The following MAP3K20 variants were observed in gnomAD, a reference collection of about 807,000 sequenced individuals.
MAP3K20 encodes HCCS-4.
A neutral mutation model predicts 85.7 loss-of-function variants in MAP3K20; 40 were observed. The observed-to-expected ratio is 0.47, with a 90% CI of 0.36 to 0.61. The LOEUF is 0.61. Ranked by LOEUF, MAP3K20 falls within the 20% of genes least tolerant of loss-of-function variation. MAP3K20 has a pLI of 0.00. For missense variants in MAP3K20, 817 were observed against 961.7 expected (o/e 0.85, Z 1.99); for synonymous variants, 325 against 327.7 (o/e 0.99, Z 0.09).
intron 2 of MAP3K20, among the ~76,000 whole-genome samples, chr2:173,161,832 G>GT (rs1400205954): frequency 6.6e-6 from 1 of 152,118 alleles, no homozygotes; most frequent in Non-Finnish European, 1.5e-5. Context: ...TTCCAGAGCC[G>GT]TATCGGGAGA....
intron 2 of MAP3K20, among the ~76,000 whole-genome samples, chr2:173,115,932 G>T (rs893876554): frequency 6.6e-6 from 1 of 151,788 alleles, no homozygotes; most frequent in Non-Finnish European, 1.5e-5. Context: ...GCTGGGAGGT[G>T]TCAAGAAACT....
At chr2:173,204,832 G>A (rs552613528) in intron 9 of MAP3K20, among the ~76,000 whole-genome samples, 74 of 152,124 alleles carry the variant, frequency 4.9e-4, no homozygotes, top group Middle Eastern at 3.4e-3. Flanking sequence ...GGCTGGGCGC[G>A]GTGGCTCACG....
Position 173,266,666 on chromosome 2 carries a change from C to T in MAP3K20, c.2319C>T (p.Tyr773=), listed in dbSNP as rs1224675905. 2.5e-6 allele frequency: 4 copies of T among 1,610,496 alleles called. No homozygotes were observed. Among genetic ancestry groups the T allele is most frequent in the South Asian group, 2.2e-5 (2 of 90,722 alleles). The change falls in exon 20 of 20, where the codon TAC becomes TAT. Residue 773 remains tyrosine (Y), a synonymous_variant. Transcript: ENST00000375213. ...AAGGGGGCTGGACAAAAGTGGAATA[C>T]CGGAAAAAGCCCCACAGGCCATCTC... ...VSEGGWTKVE[Y]RKKPHRPSPA...
At chr2:173,090,553 T>G in intron 1 of MAP3K20, 1 of 916,918 alleles carries the variant, frequency 1.1e-6, no homozygotes, top group Non-Finnish European at 1.3e-6. Flanking sequence ...TGGCTTAGGT[T>G]GTGTATATTT....
At chr2:173,182,388 A>C (rs949600029) in intron 3 of MAP3K20, among the ~76,000 whole-genome samples, 1 of 152,196 alleles carries the variant, frequency 6.6e-6, no homozygotes, top group African/African-American at 2.4e-5. Flanking sequence ...CTTCATTTTT[A>C]AAGGATTTTT....
At chr2:173,168,715 T>C (rs2106248995) in intron 2 of MAP3K20, among the ~76,000 whole-genome samples, 1 of 152,296 alleles carries the variant, frequency 6.6e-6, no homozygotes, top group East Asian at 1.9e-4. Context: ...CTGAATATTT[T>C]CTATATTTAA....
At chr2:173,239,592 G>GT (rs1684734554) in intron 16 of MAP3K20, 96 bp downstream of exon 16, 2 of 1,076,766 alleles carry the variant, frequency 1.9e-6, no homozygotes, top group Non-Finnish European at 1.3e-6. Context: ...CTACCAGCTG[G>GT]TAACTGGATT....
At chr2:173,141,979 TCTTCAAAA>T (rs1181628290) in intron 2 of MAP3K20, among the ~76,000 whole-genome samples, 4 of 152,180 alleles carry the variant, frequency 2.6e-5, no homozygotes, top group Admixed American at 6.5e-5. Context: ...CTTAAAATAG[TCTTCAAAA>T]CTGAAGATGA....
At chr2:173,154,643 T>G (rs906081876) in intron 2 of MAP3K20, among the ~76,000 whole-genome samples, 2 of 152,232 alleles carry the variant, frequency 1.3e-5, no homozygotes, top group Admixed American at 6.5e-5. Context: ...AAGCCCTTGA[T>G]AGCAGGAGTT....
intron 2 of MAP3K20, among the ~76,000 whole-genome samples, chr2:173,092,694 GTTC>G (rs1406781982): frequency 1.3e-5 from 2 of 152,276 alleles, no homozygotes; most frequent in African/African-American, 4.8e-5. Context: ...AAAGGAACAT[GTTC>G]TTATATGATT....
chr2:173,164,058 T>G (rs1689743292), intron 2 of MAP3K20, among the ~76,000 whole-genome samples: 1 of 151,914 alleles, frequency 6.6e-6, no homozygotes, highest in South Asian at 2.1e-4. Context: ...CTCCCAGGTT[T>G]AAACGATTCT....
At chr2:173,113,173 C>T (rs7568360) in intron 2 of MAP3K20, among the ~76,000 whole-genome samples, 4,896 of 151,940 alleles carry the variant, frequency 0.032, 282 homozygotes, top group African/African-American at 0.11. Context: ...TTCTAGTTTA[C>T]GTGAGTAAAG....
At chr2:173,177,170 A>G (rs116214770) in intron 3 of MAP3K20, among the ~76,000 whole-genome samples, 44 of 152,322 alleles carry the variant, frequency 2.9e-4, no homozygotes, top group African/African-American at 1.1e-3. Flanking sequence ...GAAGACTTGA[A>G]GAACACTCTC....
intron 2 of MAP3K20, among the ~76,000 whole-genome samples, chr2:173,116,922 C>A (rs988825713): frequency 6.6e-6 from 1 of 152,148 alleles, no homozygotes; most frequent in Non-Finnish European, 1.5e-5. Context: ...TTACATAAAT[C>A]CAGATTCCTA....
At chr2:173,110,224 TATATATATATATATA>T (rs1388932056) in intron 2 of MAP3K20, among the ~76,000 whole-genome samples, 272 of 10,500 alleles carry the variant, frequency 0.026, 3 homozygotes, top group Non-Finnish European at 0.047. Flanking sequence ...TATATATATA[TATATATATATATATA>T]TATTTTTTTT....
At chr2:173,204,218 A>G (rs1683589672) in intron 9 of MAP3K20, among the ~76,000 whole-genome samples, 1 of 152,202 alleles carries the variant, frequency 6.6e-6, no homozygotes, top group Admixed American at 6.5e-5. Context: ...CAAACACTTT[A>G]TGTATGTTAA....
At chr2:173,199,290 G>A (rs1275117739) in intron 8 of MAP3K20, among the ~76,000 whole-genome samples, 1 of 152,216 alleles carries the variant, frequency 6.6e-6, no homozygotes, top group Non-Finnish European at 1.5e-5. Flanking sequence ...TTCATTGGGA[G>A]TGGATGAAAT....
At chr2:173,211,085 T>C (rs1270706515) in intron 10 of MAP3K20, 2 of 152,196 alleles carry the variant, frequency 1.3e-5, no homozygotes, top group Middle Eastern at 3.2e-3. Context: ...ATACATGTCA[T>C]CAGATCATTC....
At chr2:173,214,861 AG>A (rs769793888) in intron 10 of MAP3K20, among the ~76,000 whole-genome samples, 8 of 152,200 alleles carry the variant, frequency 5.3e-5, no homozygotes, top group Non-Finnish European at 8.8e-5. Context: ...AAAAAAACCA[AG>A]GGAGCAGCTG....
Sources: allele counts gnomAD v4.1 joint callset (sites outside exome capture counted in the v4.1 genomes callset), GRCh38; gene constraint gnomAD v4.1.1; transcripts MANE v1.5; gene names NCBI Gene and HGNC (gene_info 2026-07-23, HGNC 2026-07-21).